The following TBL1X variants were observed in gnomAD, a reference collection of about 807,000 sequenced individuals.
TBL1X encodes the protein F-box-like/WD repeat-containing protein TBL1X.
In TBL1X, 10 loss-of-function variants were observed where a neutral mutation model predicts 50.7. The observed-to-expected ratio is 0.20, with a 90% CI of 0.12 to 0.33. The LOEUF (loss-of-function observed/expected upper bound fraction) is 0.33. Among genes scored for constraint, TBL1X ranks in the 10% least tolerant of loss-of-function variants. The pLI is 1.00. For missense variants in TBL1X, 340 were observed against 504.4 expected, an observed-to-expected ratio of 0.67 and a Z score of 3.12; for synonymous variants, 190 against 214.7, an observed-to-expected ratio of 0.88 and a Z score of 1.01.
intron 6 of TBL1X, 115 bp downstream of exon 6, chrX:9,684,303 G>A (rs1031915118): frequency 1.7e-5 from 17 of 1,025,072 alleles, no homozygotes; most frequent in Non-Finnish European, 2.1e-5. Flanking sequence ...TTAATTCCGC[G>A]GCAGGGTGCA....
At chrX:9,676,825 T>A (rs755144904) in intron 5 of TBL1X, among the ~76,000 whole-genome samples, 1 of 112,097 alleles carries the variant, frequency 8.9e-6, no homozygotes, top group African/African-American at 3.2e-5. Context: ...GCAAAAAGAA[T>A]TCTCCCCAGC....
chrX:9,490,629 C>A (rs895087082), intron 1 of TBL1X, among the ~76,000 whole-genome samples: 1 of 112,115 alleles, frequency 8.9e-6, no homozygotes, highest in African/African-American at 3.2e-5. Context: ...ATTGGTGATT[C>A]TTTCCATATA....
intron 2 of TBL1X, among the ~76,000 whole-genome samples, chrX:9,570,315 T>C: frequency 8.9e-6 from 1 of 111,972 alleles, no homozygotes; most frequent in Middle Eastern, 4.6e-3. Flanking sequence ...AAACCTGCTT[T>C]CTCCAGAAAA....
intron 2 of TBL1X, among the ~76,000 whole-genome samples, chrX:9,539,593 C>T (rs1162427839): frequency 8.9e-6 from 1 of 111,978 alleles, no homozygotes; most frequent in Non-Finnish European, 1.9e-5. Context: ...TGGCTTTGGG[C>T]TACTCATCAG....
chrX:9,578,886 G>A (rs778634290), intron 2 of TBL1X, among the ~76,000 whole-genome samples: 6 of 111,936 alleles, frequency 5.4e-5, no homozygotes, highest in Admixed American at 9.5e-5. Context: ...ATGTGTCAGC[G>A]TCTTAATAAG....
rs184292088 is a variant in TBL1X at position 9,553,468 on chromosome X, C to G, written c.-131+51619C>G. On this transcript the variant is annotated intron_variant, in intron 2 of 17. Coordinates refer to ENST00000645353, the MANE Select transcript of TBL1X (RefSeq NM_005647.4). Reference sequence around the variant, plus strand: ...GTCTGTGTTGCTTATGGTAGCCGAGCTGGAGATTCTTTGTGACAGCAGCAA... The same window carrying G: ...GTCTGTGTTGCTTATGGTAGCCGAGGTGGAGATTCTTTGTGACAGCAGCAA... Among the ~76,000 whole-genome samples, 10 of 111,833 alleles carry G rather than the reference C, an allele frequency of 8.9e-5. No individual in the cohort carries two copies. The East Asian group carries it at 1.7e-3, about 19-fold the overall frequency.
chrX:9,642,572 C>T (rs928244309), intron 3 of TBL1X, among the ~76,000 whole-genome samples: 14 of 111,212 alleles, frequency 1.3e-4, no homozygotes, highest in Non-Finnish European at 2.3e-4. Flanking sequence ...CATTCAGGGG[C>T]GTTCACTGTT....
At chrX:9,518,787 T>C (rs2082093207) in intron 2 of TBL1X, among the ~76,000 whole-genome samples, 2 of 110,849 alleles carry the variant, frequency 1.8e-5, no homozygotes, top group Non-Finnish European at 3.8e-5. Context: ...TGGTGTTAGC[T>C]TCGGAGAGCC....
At chrX:9,542,373 A>C (rs2082219141) in intron 2 of TBL1X, among the ~76,000 whole-genome samples, 2 of 111,372 alleles carry the variant, frequency 1.8e-5, no homozygotes, top group Non-Finnish European at 3.8e-5. Context: ...CAACACCATT[A>C]CAACCGGCGG....
chrX:9,686,623 A>G (rs1427646069), intron 6 of TBL1X, among the ~76,000 whole-genome samples: 1 of 112,791 alleles, frequency 8.9e-6, no homozygotes, highest in Admixed American at 9.3e-5. Flanking sequence ...AGTTTGGTCC[A>G]GGAGTTTGAG....
intron 1 of TBL1X, among the ~76,000 whole-genome samples, chrX:9,494,159 C>T (rs2146943969): frequency 8.9e-6 from 1 of 111,805 alleles, no homozygotes; most frequent in Non-Finnish European, 1.9e-5. Flanking sequence ...CTTCACTTGG[C>T]ACCACAGCGG....
intron 17 of TBL1X, 54 bp downstream of exon 17, chrX:9,715,057 C>G (rs1458827052): frequency 9.2e-7 from 1 of 1,084,833 alleles, no homozygotes; most frequent in East Asian, 3.1e-5. Flanking sequence ...CAGCTGATGC[C>G]TAAGTGAGCT....
At chrX:9,700,619 C>T (rs1176289894) in intron 12 of TBL1X, among the ~76,000 whole-genome samples, 4 of 111,730 alleles carry the variant, frequency 3.6e-5, no homozygotes, top group African/African-American at 1.3e-4. Context: ...GAAAGAAGCT[C>T]GCTCTTCCAG....
At chrX:9,574,341 C>T (rs970341636) in intron 2 of TBL1X, among the ~76,000 whole-genome samples, 6 of 107,708 alleles carry the variant, frequency 5.6e-5, no homozygotes, top group Admixed American at 1.0e-4. Flanking sequence ...GTAGTCCCAG[C>T]TACTCAGGAG....
intron 6 of TBL1X, among the ~76,000 whole-genome samples, chrX:9,685,293 C>A (rs1330344651): frequency 1.8e-5 from 2 of 111,749 alleles, no homozygotes; most frequent in African/African-American, 6.5e-5. Flanking sequence ...TCACCTGAGT[C>A]CCTATTTTAT....
intron 1 of TBL1X, among the ~76,000 whole-genome samples, chrX:9,477,485 C>G (rs1437987720): frequency 2.7e-5 from 3 of 112,028 alleles, no homozygotes; most frequent in Admixed American, 9.5e-5. Flanking sequence ...TTGGAGTTGA[C>G]TTAGATACAT....
rs2083283319 is a variant in TBL1X at position 9,717,073 on chromosome X, G to A, written c.*827G>A. 1 of 109,099 alleles carries A rather than the reference G, an allele frequency of 9.2e-6. No homozygotes were observed. Among genetic ancestry groups the A allele is most frequent in the Non-Finnish European group, 1.9e-5 (1 of 52,493 alleles). 9.0% of individuals were successfully genotyped at this position (109,099 alleles called of 1,213,427 possible). ...CGCGCTCGCGCTCGCTTTCTCACTG[G>A]CGTGCTCTCTTTCTCTCTCTCTCTC... On this transcript the variant is annotated 3_prime_UTR_variant, in exon 18 of 18. Transcript: ENST00000645353.
intron 2 of TBL1X, among the ~76,000 whole-genome samples, chrX:9,530,604 T>C (rs1038519253): frequency 3.6e-5 from 4 of 112,232 alleles, no homozygotes; most frequent in African/African-American, 1.3e-4. Context: ...GCATGTTTCC[T>C]TTTTCCTCTC....
intron 7 of TBL1X, among the ~76,000 whole-genome samples, chrX:9,689,173 G>A (rs1377772754): frequency 2.7e-5 from 3 of 113,051 alleles, no homozygotes. Context: ...TTTGAAAGTT[G>A]TTGCCCTCGG....
Sources: allele counts gnomAD v4.1 joint callset (sites outside exome capture counted in the v4.1 genomes callset), GRCh38; gene constraint gnomAD v4.1.1; transcripts MANE v1.5; gene names NCBI Gene and HGNC (gene_info 2026-07-23, HGNC 2026-07-21).